The following SWSAP1 variants were observed in gnomAD, a reference collection of about 807,000 sequenced individuals.
The protein encoded by SWSAP1 is ATPase SWSAP1.
Under a neutral mutation model 5.6 loss-of-function variants are expected in SWSAP1, and 4 were observed. The ratio of observed to expected loss-of-function variants is 0.72; its 90% CI spans 0.35 to 1.64. SWSAP1 has a LOEUF of 1.64. SWSAP1 is among the 40% of genes most tolerant of loss of function. The pLI is 0.05. For synonymous variants in SWSAP1, 139 were observed against 143.3 expected (o/e 0.97, Z 0.22); for missense variants, 354 against 319.8 (o/e 1.11, Z -0.82).
rs781634343 is a variant in SWSAP1 at position 11,376,062 on chromosome 19, G to A, written c.*46G>A. 8 of 1,495,444 alleles carry A rather than the reference G, an allele frequency of 5.3e-6. No individual in the cohort carries two copies. The Admixed American group carries it at 1.3e-4, about 25-fold the overall frequency. The allele number at this position is 1,495,444 out of a possible 1,614,324, so 92.6% of individuals were successfully genotyped here. On this transcript the variant is annotated 3_prime_UTR_variant, in exon 2 of 2. Coordinates refer to ENST00000674460, the MANE Select transcript of SWSAP1 (RefSeq NM_175871.4). ...CTCTGTGCTTCAGTTTCCCATGGCT[G>A]GAATACTTACCTCAGGGACATATGC...
intron 1 of SWSAP1, 87 bp from the exon 2 acceptor site, chr19:11,375,426 G>C (rs189812545): frequency 5.2e-4 from 796 of 1,520,334 alleles, no homozygotes; most frequent in Non-Finnish European, 6.5e-4. Flanking sequence ...CTGGAACCAA[G>C]GAAAGTATGC....
In SWSAP1 at chr19:11,375,684, GA is replaced by G. The variant is rs1255851713; in HGVS notation, c.422del (p.Asp141AlafsTer78). The G allele has an allele frequency of 6.2e-7, 1 of 1,614,108 alleles. No individual in the cohort carries two copies. Among genetic ancestry groups the G allele is most frequent in the East Asian group, 2.2e-5 (1 of 44,896 alleles). On this transcript the variant is annotated frameshift_variant, in exon 2 of 2. Transcript: ENST00000674460. LOFTEE classifies it low-confidence loss of function (END_TRUNC). Reference protein sequence around the residue: ...EAAYLIALLLDTAAHFSHRLG... With the variant: ...EAAYLIALLLXTAAHFSHRLG... ...CGCCTACCTCATTGCCTTACTTCTA[GA>G]CACAGCTGCCCACTTCAGCCACCGG... is the stretch of plus-strand genomic sequence containing the variant.
chr19:11,374,963 C>T, intron 1 of SWSAP1, 34 bp downstream of exon 1: 1 of 1,606,718 alleles, frequency 6.2e-7, no homozygotes, highest in South Asian at 1.1e-5. Context: ...GGCGTTCTAG[C>T]CAATGGTGGA....
chr19:11,375,931 A>G lies in SWSAP1; in HGVS notation c.668A>G (p.Asp223Gly), dbSNP rs773284190. 1 of 1,613,574 alleles carries G rather than the reference A, an allele frequency of 6.2e-7. No homozygotes were observed. The highest frequency in any genetic ancestry group is 1.3e-5 in the African/African-American group (1 of 74,908). The change falls in exon 2 of 2, where the codon GAT becomes GGT. Residue 223 changes from aspartate (D) to glycine (G), a missense_variant. Physicochemically the swap from Asp to Gly is moderately conservative, Grantham distance 94 (BLOSUM62 -1). Transcript: ENST00000674460. ...GAGTGGTGGGTGACTTTCCGATCAG[A>G]TGGAGAAATGATGATCGCTCCGTGG... ...RTEWWVTFRS[D>G]GEMMIAPWPT...
In SWSAP1 at chr19:11,375,586, G is replaced by A; in HGVS notation, c.323G>A (p.Gly108Glu). 6.2e-7 allele frequency: 1 copy of A among 1,614,088 alleles called. No homozygotes were observed. The highest frequency in any genetic ancestry group is 1.1e-5 in the South Asian group (1 of 91,080). ...CTGTGCTCTGCCCATGAGGCCCCGG[G>A]GCCAGCCCCCTCCCTTCTGCTGCTC... ...RLLCSAHEAP[G>E]PAPSLLLLDG... is the part of the protein sequence containing the mutation. The change falls in exon 2 of 2, where the codon GGG becomes GAG. Residue 108 changes from glycine (G) to glutamate (E), a missense_variant. Coordinates refer to ENST00000674460, the MANE Select transcript of SWSAP1 (RefSeq NM_175871.4).
At position 11,375,607 on chromosome 19, in the gene SWSAP1, T is replaced by C. The variant is rs965153829; in HGVS notation, c.344T>C (p.Leu115Pro). The C allele has an allele frequency of 6.2e-7, 1 of 1,614,048 alleles. No homozygotes were observed. The highest frequency in any genetic ancestry group is 1.3e-5 in the African/African-American group (1 of 74,922). Residue 115 changes from leucine to proline, a missense_variant, in exon 2 of 2, where the codon CTG becomes CCG. By Grantham distance (98) the Leu-to-Pro change is moderately conservative. Transcript: ENST00000674460. ...CCGGGGCCAGCCCCCTCCCTTCTGCTGCTCGACGGCCTAGAAGAGTACCTA... is the reference window on the plus strand; with the variant it reads ...CCGGGGCCAGCCCCCTCCCTTCTGCCGCTCGACGGCCTAGAAGAGTACCTA... The part of the protein sequence containing the change: ...EAPGPAPSLL[L>P]LDGLEEYLAE...
rs1207831158 is a variant in SWSAP1 at position 11,375,975 on chromosome 19, C to T, written c.712C>T (p.Pro238Ser). 6.2e-7 allele frequency: 1 copy of T among 1,611,600 alleles called. No individual in the cohort carries two copies. The highest frequency in any genetic ancestry group is 8.5e-7 in the Non-Finnish European group (1 of 1,179,144). ...TCCGTGGCCCACCCAGGCTGGTGAC[C>T]CCAGCTCAGGCAAGGGTTCAAGCTC... ...IAPWPTQAGD[P>S]SSGKGSSSGG... is the part of the protein sequence containing the mutation. The change falls in exon 2 of 2, where the codon CCC (proline) becomes TCC (serine). Residue 238 changes from proline (P) to serine (S), a missense_variant. Transcript: ENST00000674460.
chr19:11,375,928 C>T lies in SWSAP1; in HGVS notation c.665C>T (p.Ser222Leu), dbSNP rs370941709. 53 of 1,613,650 alleles carry T rather than the reference C, an allele frequency of 3.3e-5. No individual in the cohort carries two copies. The highest frequency in any genetic ancestry group is 4.4e-5 in the Non-Finnish European group (52 of 1,180,014). ...PRTEWWVTFR[S>L]DGEMMIAPWP... ...ACAGAGTGGTGGGTGACTTTCCGATCAGATGGAGAAATGATGATCGCTCCG... is the reference window on the plus strand; with the variant it reads ...ACAGAGTGGTGGGTGACTTTCCGATTAGATGGAGAAATGATGATCGCTCCG... Residue 222 changes from serine (S) to leucine (L), a missense_variant, in exon 2 of 2, where the codon TCA becomes TTA. Physicochemically the swap from Ser to Leu is moderately radical, Grantham distance 145. Coordinates refer to ENST00000674460, the MANE Select transcript of SWSAP1 (RefSeq NM_175871.4).
intron 1 of SWSAP1, 137 bp downstream of exon 1, chr19:11,375,066 C>T: frequency 8.9e-7 from 1 of 1,124,150 alleles, no homozygotes; most frequent in Non-Finnish European, 1.3e-6. Context: ...CGGAGTCAGG[C>T]AGGCGGAGTG....
intron 1 of SWSAP1, 77 bp downstream of exon 1, chr19:11,375,006 A>G: frequency 6.4e-7 from 1 of 1,568,714 alleles, no homozygotes; most frequent in Admixed American, 1.8e-5. Flanking sequence ...CAGGTAGACA[A>G]GCCAATGGAG....
rs941629890 is a variant in SWSAP1, at chr19:11,375,506, C to T, written c.250-7C>T. 6.3e-7 allele frequency: 1 copy of T among 1,599,270 alleles called. No homozygotes were observed. The highest frequency in any genetic ancestry group is 2.2e-5 in the East Asian group (1 of 44,706). On this transcript the variant is annotated splice_region_variant and splice_polypyrimidine_tract_variant and intron_variant, in intron 1 of 1. Transcript: ENST00000674460. ...ATCCGGCCCTTTCCTTCTGTTTCTC[C>T]TTCTAGAAGATCCGCTTCCAGTACC...
rs1968253547 is a variant in SWSAP1 at position 11,374,674 on chromosome 19, G to A, written c.-7G>A. The A allele has an allele frequency of 8.6e-6, 13 of 1,507,744 alleles. No homozygotes were observed. The South Asian group carries it at 1.5e-4, about 18-fold the overall frequency. 93.4% of individuals were successfully genotyped at this position (1,507,744 alleles called of 1,614,324 possible). A position where few individuals can be genotyped will look rare whatever the true frequency, so the allele number is the denominator to read the frequency against. ...CGAGCCACCGATTGGTCAGAGCTAC[G>A]CGGCGAATGGCGGAGACGCTGAGGC... On this transcript the variant is annotated 5_prime_UTR_variant, in exon 1 of 2. Coordinates refer to ENST00000674460, the MANE Select transcript of SWSAP1 (RefSeq NM_175871.4).
chr19:11,375,871 C>T lies in SWSAP1; in HGVS notation c.608C>T (p.Ala203Val). 5 of 1,614,130 alleles carry T rather than the reference C, an allele frequency of 3.1e-6. No homozygotes were observed. In the South Asian group the frequency reaches 3.3e-5, roughly 11 times the overall value. Residue 203 changes from alanine (A) to valine (V), a missense_variant, in exon 2 of 2, where the codon GCC becomes GTC. Ala to Val is a moderately conservative substitution (Grantham distance 64). Coordinates refer to ENST00000674460, the MANE Select transcript of SWSAP1 (RefSeq NM_175871.4). ...GGTCCAGGAGAGCACGGCCTCCGAGCCTGCCTGGAGCCAGGCGGGCTGGGC... is the reference window on the plus strand; with the variant it reads ...GGTCCAGGAGAGCACGGCCTCCGAGTCTGCCTGGAGCCAGGCGGGCTGGGC... ...APGPGEHGLR[A>V]CLEPGGLGPR...
Position 11,374,746 on chromosome 19 carries a change from G to A in SWSAP1, c.66G>A (p.Met22Ile), listed in dbSNP as rs768741868. 1.2e-6 allele frequency: 2 copies of A among 1,609,420 alleles called. No individual in the cohort carries two copies. Among genetic ancestry groups the A allele is most frequent in the South Asian group, 1.1e-5 (1 of 90,942 alleles). Residue 22 changes from methionine to isoleucine, a missense_variant, in exon 1 of 2, where the codon ATG becomes ATA. Coordinates refer to ENST00000674460, the MANE Select transcript of SWSAP1 (RefSeq NM_175871.4). ...CGGCCTGGTCCGGGGAGGAGAACAT[G>A]CCTGCCGCCGGACCGCCTTTGCTGC... ...GGAAWSGEENMPAAGPPLLLL... is the reference protein window; with the variant it reads ...GGAAWSGEENIPAAGPPLLLL...
chr19:11,375,017 A>G, intron 1 of SWSAP1, 88 bp downstream of exon 1: 1 of 1,549,198 alleles, frequency 6.5e-7, no homozygotes, highest in Admixed American at 1.9e-5. Flanking sequence ...GCCAATGGAG[A>G]GGACGGTGGA....
chr19:11,374,831 G>A lies in SWSAP1; in HGVS notation c.151G>A (p.Ala51Thr). The A allele has an allele frequency of 1.2e-6, 2 of 1,613,924 alleles. No individual in the cohort carries two copies. Among genetic ancestry groups the A allele is most frequent in the Non-Finnish European group, 1.7e-6 (2 of 1,179,920 alleles). The change falls in exon 1 of 2, where the codon GCG (alanine) becomes ACG (threonine). Residue 51 changes from alanine (A) to threonine (T), a missense_variant. By Grantham distance (58) the Ala-to-Thr change is moderately conservative (BLOSUM62 0). Coordinates refer to ENST00000674460, the MANE Select transcript of SWSAP1 (RefSeq NM_175871.4). ...GCTATTTGCTGCGGCCCTAGAGGCG[G>A]CGGGGGAGGGCCAAGGCCCAGTCCT... is the stretch of plus-strand genomic sequence containing the variant. ...ALLFAAALEA[A>T]GEGQGPVLFL...
chr19:11,375,611 C>T lies in SWSAP1; in HGVS notation c.348C>T (p.Leu116=). The change falls in exon 2 of 2, where the codon CTC becomes CTT. Residue 116 remains leucine, a synonymous_variant. Coordinates refer to ENST00000674460, the MANE Select transcript of SWSAP1 (RefSeq NM_175871.4). ...APGPAPSLLL[L]DGLEEYLAED... The stretch of plus-strand genomic sequence containing the variant: ...GGCCAGCCCCCTCCCTTCTGCTGCT[C>T]GACGGCCTAGAAGAGTACCTAGCGG... The T allele has an allele frequency of 1.9e-6, 3 of 1,614,158 alleles. No homozygotes were observed. Among genetic ancestry groups the T allele is most frequent in the Non-Finnish European group, 2.5e-6 (3 of 1,180,036 alleles).
rs769944257 is a variant in SWSAP1, at chr19:11,375,810, T to C, written c.547T>C (p.Phe183Leu). 5 of 1,614,032 alleles carry C rather than the reference T, an allele frequency of 3.1e-6. No homozygotes were observed. The highest frequency in any genetic ancestry group is 2.7e-5 in the African/African-American group (2 of 74,948). ...VLHLALLQRY[F>L]PAQCWLQPDA... is the part of the protein sequence containing the mutation. ...GCACCTGGCACTGCTCCAGCGGTAT[T>C]TTCCTGCCCAGTGCTGGCTGCAGCC... The change falls in exon 2 of 2, where the codon TTT (phenylalanine) becomes CTT (leucine). Residue 183 changes from phenylalanine (F) to leucine (L), a missense_variant. Physicochemically the swap from Phe to Leu is conservative, Grantham distance 22. Transcript: ENST00000674460.
At position 11,375,761 on chromosome 19, in the gene SWSAP1, G is replaced by A. The variant is rs1460409497; in HGVS notation, c.498G>A (p.Glu166=). Residue 166 remains glutamate, a synonymous_variant, in exon 2 of 2, where the codon GAG becomes GAA. Transcript: ENST00000674460. ...CGLMVALQTQ[E]EAGSGDVLHL... The stretch of plus-strand genomic sequence containing the variant: ...TCATGGTGGCCCTCCAGACCCAGGA[G>A]GAAGCAGGTAGTGGGGACGTCCTGC... 1 of 1,614,190 alleles carries A rather than the reference G, an allele frequency of 6.2e-7. No homozygotes were observed. The highest frequency in any genetic ancestry group is 1.7e-5 in the Admixed American group (1 of 60,032).
Sources: allele counts gnomAD v4.1 joint callset, GRCh38; gene constraint gnomAD v4.1.1; transcripts MANE v1.5; gene names NCBI Gene and HGNC (gene_info 2026-07-23, HGNC 2026-07-21).